Variants in JDP2 observed in about 807,000 individuals in gnomAD.
JDP2 encodes the protein Jun dimerization protein 2.
In JDP2, 9 loss-of-function variants were observed where a neutral mutation model predicts 17.1. That is an observed-to-expected ratio of 0.53 (90% CI 0.32 to 0.92). The LOEUF is 0.92. JDP2 is among the 40% of genes least tolerant of loss of function. The probability of loss-of-function intolerance (pLI) is 0.04; values close to 1 mark genes in which losing one functional copy is unlikely to be tolerated. For missense variants in JDP2, 179 were observed against 220.0 expected, an observed-to-expected ratio of 0.81 and a Z score of 1.18; for synonymous variants, 107 against 95.6, an observed-to-expected ratio of 1.12 and a Z score of -0.69.
chr14:75,467,687 C>G lies in JDP2; in HGVS notation c.307-1603C>G, dbSNP rs190853107. Among the ~76,000 whole-genome samples, 262 of 152,244 alleles carry G rather than the reference C, an allele frequency of 1.7e-3. 1 individual carries two copies. The highest frequency in any genetic ancestry group is 6.0e-3 in the African/African-American group (251 of 41,538). On this transcript the variant is annotated intron_variant, in intron 3 of 3. Coordinates refer to ENST00000651602, the MANE Select transcript of JDP2 (RefSeq NM_001135048.2). ...GCAGGGGGCTGACATTGGCACCTAA[C>G]TGCCCCAGCCCGAGGGCTCACAGGC...
In JDP2 at chr14:75,454,526, C is replaced by T. The variant is rs572118106; in HGVS notation, c.202-6900C>T. On this transcript the variant is annotated intron_variant, in intron 2 of 3. Coordinates refer to ENST00000651602, the MANE Select transcript of JDP2 (RefSeq NM_001135048.2). ...ATGCTCAGCTCTGGTGGCTGAGTGA[C>T]AGTGGTGAAGGTGATGATAGACTGA... Among the ~76,000 whole-genome samples the T allele has an allele frequency of 1.5e-4, 23 of 152,250 alleles. No homozygotes were observed. In the South Asian group the frequency reaches 4.8e-3, roughly 32 times the overall value.
chr14:75,449,761 T>G (rs84044), intron 2 of JDP2, among the ~76,000 whole-genome samples: 116,779 of 152,122 alleles, frequency 0.77, 45,161 homozygotes, highest in African/African-American at 0.84. Flanking sequence ...AATCATCATC[T>G]CTTTTTCTCT....
chr14:75,466,426 G>A (rs555285956), intron 3 of JDP2, among the ~76,000 whole-genome samples: 35 of 152,346 alleles, frequency 2.3e-4, no homozygotes, highest in African/African-American at 7.5e-4. Context: ...GGGTGACAGA[G>A]TGAGACTCTG....
intron 1 of JDP2, among the ~76,000 whole-genome samples, chr14:75,433,248 A>C (rs1356715274): frequency 7.1e-6 from 1 of 140,320 alleles, no homozygotes; most frequent in East Asian, 2.4e-4. Flanking sequence ...GTTGGTGCAA[A>C]AGTAATCGCG....
rs143155149 is a variant in JDP2, at chr14:75,447,795, T to A, written c.201+9674T>A. Reference sequence around the variant, plus strand: ...GGCTCAGCCTCCTGAATAGCTGGGATTACAGGTGTGTACCACCATGCCTGG... The same window carrying A: ...GGCTCAGCCTCCTGAATAGCTGGGAATACAGGTGTGTACCACCATGCCTGG... On this transcript the variant is annotated intron_variant, in intron 2 of 3. Coordinates refer to ENST00000651602, the MANE Select transcript of JDP2 (RefSeq NM_001135048.2). Among the ~76,000 whole-genome samples, 1,107 of 152,220 alleles carry A rather than the reference T, an allele frequency of 7.3e-3. 9 individuals are homozygous for A. Among genetic ancestry groups the A allele is most frequent in the African/African-American group, 0.025 (1,051 of 41,548 alleles).
intron 2 of JDP2, among the ~76,000 whole-genome samples, chr14:75,440,391 G>T (rs1169081175): frequency 2.0e-5 from 3 of 152,224 alleles, no homozygotes; most frequent in Admixed American, 6.5e-5. Flanking sequence ...CTAAAGCGGG[G>T]TGGGGAAAGA....
rs2140004588 is a variant in JDP2, at chr14:75,469,708, T to C, written c.*233T>C. The C allele has an allele frequency of 2.0e-6, 1 of 509,646 alleles. No individual in the cohort carries two copies. The highest frequency in any genetic ancestry group is 3.5e-6 in the Non-Finnish European group (1 of 284,624). The allele number at this position is 509,646 out of a possible 1,614,324, so 31.6% of individuals were successfully genotyped here. Reference sequence around the variant, plus strand: ...CAAGCGCTGAGACCAAAGTTGACCCTCGGGTAGGGTTGTCCTGCCTGGGGC... The same window carrying C: ...CAAGCGCTGAGACCAAAGTTGACCCCCGGGTAGGGTTGTCCTGCCTGGGGC... On this transcript the variant is annotated 3_prime_UTR_variant, in exon 4 of 4. Coordinates refer to ENST00000651602, the MANE Select transcript of JDP2 (RefSeq NM_001135048.2).
At chr14:75,465,520 G>A (rs941892419) in intron 3 of JDP2, among the ~76,000 whole-genome samples, 6 of 152,090 alleles carry the variant, frequency 3.9e-5, no homozygotes, top group South Asian at 2.1e-4. Context: ...TGTAGAGACC[G>A]GGGCTCCCTG....
In JDP2 at chr14:75,472,449, C is replaced by T. The variant is rs1391031712; in HGVS notation, c.*2974C>T. 1.3e-5 allele frequency: 2 copies of T among 152,226 alleles called. No homozygotes were observed. The highest frequency in any genetic ancestry group is 2.9e-5 in the Non-Finnish European group (2 of 68,046). The allele number at this position is 152,226 out of a possible 1,614,324, so 9.4% of individuals were successfully genotyped here. The stretch of plus-strand genomic sequence containing the variant: ...GAAGCCGGGAGAGATGGCACAGACC[C>T]ACCTGTGCTCACAGTACATGTTAAG... On this transcript the variant is annotated 3_prime_UTR_variant, in exon 4 of 4. Transcript: ENST00000651602.
At chr14:75,443,393 T>G (rs1207839007) in intron 2 of JDP2, among the ~76,000 whole-genome samples, 2 of 152,212 alleles carry the variant, frequency 1.3e-5, no homozygotes, top group Non-Finnish European at 2.9e-5. Flanking sequence ...CTCTTTGGAA[T>G]AGCATTGGCC....
intron 1 of JDP2, among the ~76,000 whole-genome samples, chr14:75,429,887 A>T (rs554525590): frequency 1.3e-5 from 2 of 152,268 alleles, no homozygotes; most frequent in African/African-American, 2.4e-5. Flanking sequence ...GAAGGGCTGC[A>T]GGAAGTCATG....
At chr14:75,453,434 T>C (rs1885960113) in intron 2 of JDP2, among the ~76,000 whole-genome samples, 1 of 152,076 alleles carries the variant, frequency 6.6e-6, no homozygotes, top group East Asian at 1.9e-4. Flanking sequence ...CCCAGCCTGC[T>C]CCTCCCTCTC....
At chr14:75,467,568 G>A (rs1566750069) in intron 3 of JDP2, among the ~76,000 whole-genome samples, 1 of 152,188 alleles carries the variant, frequency 6.6e-6, no homozygotes, top group Admixed American at 6.5e-5. Flanking sequence ...GCTCAGGAGA[G>A]TTTGAAGATG....
intron 2 of JDP2, among the ~76,000 whole-genome samples, chr14:75,454,491 A>G (rs1886012762): frequency 6.6e-6 from 1 of 152,248 alleles, no homozygotes; most frequent in South Asian, 2.1e-4. Context: ...ATAAACACCC[A>G]TTCTGTGCCA....
At chr14:75,459,075 G>C (rs1886234201) in intron 2 of JDP2, among the ~76,000 whole-genome samples, 2 of 152,248 alleles carry the variant, frequency 1.3e-5, no homozygotes, top group Admixed American at 6.5e-5. Flanking sequence ...TGCAGGATGG[G>C]GGTAGGGATT....
chr14:75,464,557 T>C (rs1399137477), intron 3 of JDP2, among the ~76,000 whole-genome samples: 2 of 152,230 alleles, frequency 1.3e-5, no homozygotes, highest in African/African-American at 2.4e-5. Flanking sequence ...ACACGCCATT[T>C]TATGTAAGAA....
At chr14:75,457,747 G>A (rs1200002323) in intron 2 of JDP2, among the ~76,000 whole-genome samples, 1 of 152,216 alleles carries the variant, frequency 6.6e-6, no homozygotes. Flanking sequence ...TGCCATAGCT[G>A]TCAGGGGCCT....
intron 3 of JDP2, among the ~76,000 whole-genome samples, chr14:75,464,044 G>A (rs1031051095): frequency 2.0e-5 from 3 of 152,214 alleles, no homozygotes; most frequent in Admixed American, 6.5e-5. Context: ...AGAAGTGCGC[G>A]GCCTTGGGGT....
At position 75,461,541 on chromosome 14, in the gene JDP2, C is replaced by G. The variant is rs376110423; in HGVS notation, c.306+11C>G. The G allele has an allele frequency of 6.3e-7, 1 of 1,586,350 alleles. No individual in the cohort carries two copies. Among genetic ancestry groups the G allele is most frequent in the South Asian group, 1.1e-5 (1 of 87,114 alleles). ...GAGTTTCTGCAGCGGGTGAGCTGACCGGGTGGGTGGGGAGGCCTGCCATTC... is the reference window on the plus strand; with the variant it reads ...GAGTTTCTGCAGCGGGTGAGCTGACGGGGTGGGTGGGGAGGCCTGCCATTC... On this transcript the variant is annotated intron_variant, in intron 3 of 3. Coordinates refer to ENST00000651602, the MANE Select transcript of JDP2 (RefSeq NM_001135048.2).
Sources: gnomAD v4.1 joint callset for allele counts (sites outside exome capture counted in the v4.1 genomes callset) on GRCh38, gnomAD v4.1.1 for gene constraint, MANE v1.5 for transcripts, NCBI Gene and HGNC (gene_info 2026-07-23, HGNC 2026-07-21) for gene names.